The following KCNT1 variants were observed in gnomAD, a reference collection of about 807,000 sequenced individuals.
The protein encoded by KCNT1 is potassium channel subfamily T member 1.
In KCNT1, 78 loss-of-function variants were observed where a neutral mutation model predicts 147.8. The ratio of observed to expected loss-of-function variants is 0.53; its 90% CI spans 0.44 to 0.64. KCNT1 has a LOEUF of 0.64. Ranked by LOEUF, KCNT1 falls within the 30% of genes least tolerant of loss-of-function variation. KCNT1 has a pLI of 0.00. For missense variants in KCNT1, 1,419 were observed against 1,750.3 expected, an observed-to-expected ratio of 0.81 and a Z score of 3.38; for synonymous variants, 867 against 748.8, an observed-to-expected ratio of 1.16 and a Z score of -2.58.
Position 135,773,215 on chromosome 9 carries a change from G to T in KCNT1, c.2243+266G>T, listed in dbSNP as rs555241854. 1.1e-4 allele frequency among the ~76,000 whole-genome samples: 16 copies of T among 152,304 alleles called. 1 individual carries two copies. In the South Asian group the frequency reaches 2.7e-3, roughly 26 times the overall value. On this transcript the variant is annotated intron_variant, in intron 19 of 30. Transcript: ENST00000371757. Reference sequence around the variant, plus strand: ...TACACCCTTTCCAGTTGGGGCTGGGGGTGCAGAGCTAATTGGAGCGAGGCA... The same window carrying T: ...TACACCCTTTCCAGTTGGGGCTGGGTGTGCAGAGCTAATTGGAGCGAGGCA...
In KCNT1 at chr9:135,770,282, C is replaced by G. The variant is rs369334561; in HGVS notation, c.1620-16C>G. ...GGCCGAGGGTGACGCTCCCCTGGCC[C>G]CGCCCTGGCCCACAGGGAGGGACAG... On this transcript the variant is annotated splice_polypyrimidine_tract_variant and intron_variant, in intron 16 of 30. Coordinates refer to ENST00000371757, the MANE Select transcript of KCNT1 (RefSeq NM_020822.3). 372 of 1,577,334 alleles carry G rather than the reference C, an allele frequency of 2.4e-4. 2 individuals carry two copies. The highest frequency in any genetic ancestry group is 9.4e-4 in the South Asian group (81 of 86,400).
chr9:135,757,176 C>G lies in KCNT1; in HGVS notation c.621C>G (p.Ile207Met). ...LSYKGNIWEQ[I>M]FRVSFVLEMI... is the part of the protein sequence containing the mutation. ...CCCAGGGCAACATCTGGGAGCAGAT[C>G]TTCCGCGTGTCCTTCGTCCTGGAGA... Residue 207 changes from isoleucine to methionine, a missense_variant, in exon 8 of 31, where the codon ATC becomes ATG. By Grantham distance (10) the Ile-to-Met change is conservative. Coordinates refer to ENST00000371757, the MANE Select transcript of KCNT1 (RefSeq NM_020822.3). 6.4e-7 allele frequency: 1 copy of G among 1,564,718 alleles called. No individual in the cohort carries two copies. Among genetic ancestry groups the G allele is most frequent in the Non-Finnish European group, 8.7e-7 (1 of 1,152,246 alleles).
rs372973448 is a variant in KCNT1 at position 135,704,854 on chromosome 9, A to T, written c.110+2486A>T. ...CTCATGGGAAAGGTTTGAGGGCCCA[A>T]GATACCGCCCAGCACTGGCCGGCAG... is the stretch of plus-strand genomic sequence containing the variant. On this transcript the variant is annotated intron_variant, in intron 1 of 30. Coordinates refer to ENST00000371757, the MANE Select transcript of KCNT1 (RefSeq NM_020822.3). 4.6e-5 allele frequency among the ~76,000 whole-genome samples: 7 copies of T among 152,336 alleles called. No individual in the cohort carries two copies. In the East Asian group the frequency reaches 7.7e-4, roughly 17 times the overall value.
At position 135,770,053 on chromosome 9, in the gene KCNT1, C is replaced by G; in HGVS notation, c.1617C>G (p.Gly539=). Residue 539 remains glycine, a splice_region_variant and synonymous_variant, in exon 16 of 31, where the codon GGC becomes GGG. Coordinates refer to ENST00000371757, the MANE Select transcript of KCNT1 (RefSeq NM_020822.3). Reference sequence around the variant, plus strand: ...CCCTGCTGGTGCACACGTCCCGCGGCCAGTGAGTGCCCCGTGCCCCGGGGG... The same window carrying G: ...CCCTGCTGGTGCACACGTCCCGCGGGCAGTGAGTGCCCCGTGCCCCGGGGG... ...LITLLVHTSR[G]QEGQESPEQW... is the part of the protein sequence containing the mutation. 6.5e-7 allele frequency: 1 copy of G among 1,549,048 alleles called. No individual in the cohort carries two copies. Among genetic ancestry groups the G allele is most frequent in the Non-Finnish European group, 8.7e-7 (1 of 1,146,550 alleles).
intron 24 of KCNT1, among the ~76,000 whole-genome samples, chr9:135,781,228 G>A (rs73557241): frequency 0.12 from 17,868 of 152,246 alleles, 1,412 homozygotes; most frequent in East Asian, 0.21. Context: ...TCAGGACATC[G>A]GCAAAGCCTC....
intron 2 of KCNT1, among the ~76,000 whole-genome samples, chr9:135,735,370 G>C (rs1302479291): frequency 1.3e-5 from 2 of 152,180 alleles, no homozygotes; most frequent in African/African-American, 4.8e-5. Context: ...TCCCTCGAGT[G>C]GTCCAGCCCT....
rs1422070414 is a variant in KCNT1 at position 135,783,635 on chromosome 9, C to A, written c.2842-389C>A. On this transcript the variant is annotated intron_variant, in intron 24 of 30. Transcript: ENST00000371757. Reference sequence around the variant, plus strand: ...GCTCCTCCTCAGCCCAGACTCCACACGCCCTCCGGCACCACTTACAAAACA... The same window carrying A: ...GCTCCTCCTCAGCCCAGACTCCACAAGCCCTCCGGCACCACTTACAAAACA... Among the ~76,000 whole-genome samples, 3 of 152,356 alleles carry A rather than the reference C, an allele frequency of 2.0e-5. No homozygotes were observed. The South Asian group carries it at 6.2e-4, about 32-fold the overall frequency.
At chr9:135,765,257 C>G in intron 12 of KCNT1, 62 bp downstream of exon 12, 1 of 1,480,602 alleles carries the variant, frequency 6.8e-7, no homozygotes, top group Non-Finnish European at 9.3e-7. Context: ...ACGCCATCCT[C>G]TCCCCAGGAC....
At chr9:135,758,319 G>GTGCAGGCTGC (rs1554771402) in intron 9 of KCNT1, 95 bp from the exon 10 acceptor site, 27 of 937,374 alleles carry the variant, frequency 2.9e-5, no homozygotes, top group East Asian at 9.8e-5. Context: ...GTGTGGCCGG[G>GTGCAGGCTGC]CCGTCTGCTT....
intron 2 of KCNT1, among the ~76,000 whole-genome samples, chr9:135,727,669 C>T (rs1405329619): frequency 6.6e-6 from 1 of 152,182 alleles, no homozygotes; most frequent in East Asian, 1.9e-4. Flanking sequence ...GTCCGCCATG[C>T]CAAAGGCCAC....
At chr9:135,743,728 G>C (rs781665730) in intron 2 of KCNT1, among the ~76,000 whole-genome samples, 2 of 152,226 alleles carry the variant, frequency 1.3e-5, no homozygotes, top group South Asian at 4.1e-4. Flanking sequence ...GCCGTGGCAC[G>C]GTCTGGACAC....
At chr9:135,775,454 C>T (rs374484189) in intron 20 of KCNT1, 39 bp downstream of exon 20, 164 of 1,500,554 alleles carry the variant, frequency 1.1e-4, no homozygotes, top group Non-Finnish European at 1.4e-4. Flanking sequence ...CACCCCCAGA[C>T]GCCAGCACCG....
At chr9:135,768,991 A>G in intron 15 of KCNT1, 54 bp downstream of exon 15, 1 of 1,376,620 alleles carries the variant, frequency 7.3e-7, no homozygotes, top group Non-Finnish European at 1.0e-6. Context: ...GCACGTGTGC[A>G]CACGTGGGTG....
In KCNT1 at chr9:135,778,275, C is replaced by T. The variant is rs546575125; in HGVS notation, c.2523-149C>T. ...AATAAAATAAAGAATGGCCCACTGG[C>T]CTTAAAGTACTCCCCAGGTCCCATA... On this transcript the variant is annotated intron_variant, in intron 21 of 30. Transcript: ENST00000371757. The T allele has an allele frequency of 1.4e-4, 94 of 663,442 alleles. No homozygotes were observed. In the African/African-American group the frequency reaches 1.5e-3, roughly 11 times the overall value. The allele number at this position is 663,442 out of a possible 1,614,324, so 41.1% of individuals were successfully genotyped here.
At chr9:135,734,847 C>T (rs968204875) in intron 2 of KCNT1, among the ~76,000 whole-genome samples, 4 of 152,184 alleles carry the variant, frequency 2.6e-5, no homozygotes, top group Admixed American at 2.6e-4. Flanking sequence ...CCCAGGGTGA[C>T]CATGTATGGG....
chr9:135,726,905 TTCTCTCTCTCTCCC>T (rs1458004876), intron 2 of KCNT1, among the ~76,000 whole-genome samples: 1 of 5,012 alleles, frequency 2.0e-4, no homozygotes, highest in Non-Finnish European at 3.8e-4. Context: ...CTCTTTCCCA[TTCTCTCTCTCTCCC>T]TCTCTCTCTC....
At position 135,752,659 on chromosome 9, in the gene KCNT1, ATGGATGGAGTGGATGGAGGGATGAG is replaced by A; in HGVS notation, c.435-1270_435-1246del. ...GATGGACGGACGGACGGATGGACGG[ATGGATGGAGTGGATGGAGGGATGAG>A]TGGATGGGTGGATAATGGATGGATA... On this transcript the variant is annotated intron_variant, in intron 4 of 30. Transcript: ENST00000371757. This position sits in a 1 kb window ranked among gnomAD's most constrained non-coding sequence, Gnocchi z 5.1. Among the ~76,000 whole-genome samples, 1 of 149,922 alleles carries A rather than the reference ATGGATGGAGTGGATGGAGGGATGAG, an allele frequency of 6.7e-6. No homozygotes were observed. Among genetic ancestry groups the A allele is most frequent in the African/African-American group, 2.5e-5 (1 of 40,070 alleles).
Position 135,760,182 on chromosome 9 carries a change from C to T in KCNT1, c.1035+323C>T, listed in dbSNP as rs12550897. On this transcript the variant is annotated intron_variant, in intron 11 of 30. Transcript: ENST00000371757. Reference sequence around the variant, plus strand: ...GCAGGGAAGGGTCAAGGTGGACAGCCGGCCCATTTCCCATCCACAGCCAGG... The same window carrying T: ...GCAGGGAAGGGTCAAGGTGGACAGCTGGCCCATTTCCCATCCACAGCCAGG... Among the ~76,000 whole-genome samples the T allele has an allele frequency of 5.4e-3, 815 of 152,290 alleles. 10 individuals are homozygous for T. Among genetic ancestry groups the T allele is most frequent in the Admixed American group, 0.022 (339 of 15,306 alleles).
chr9:135,733,203 A>G, intron 2 of KCNT1, among the ~76,000 whole-genome samples: 1 of 46,832 alleles, frequency 2.1e-5, no homozygotes, highest in Non-Finnish European at 4.2e-5. Flanking sequence ...CTGCCCCCAC[A>G]CCTGCCTTCA....
Sources: allele counts gnomAD v4.1 joint callset (sites outside exome capture counted in the v4.1 genomes callset), GRCh38; gene constraint gnomAD v4.1.1; non-coding constraint Gnocchi (gnomAD v3.1); transcripts MANE v1.5; gene names NCBI Gene and HGNC (gene_info 2026-07-23, HGNC 2026-07-21).